ENOX1: variants seen among roughly 807,000 people sequenced by gnomAD.
ENOX1 encodes candidate growth-related and time keeping constitutive hydroquinone (NADH) oxidase.
A neutral mutation model predicts 82.5 loss-of-function variants in ENOX1; 42 were observed. The observed-to-expected ratio is 0.51, with a 90% CI of 0.40 to 0.66. ENOX1 has a LOEUF of 0.66. ENOX1 is among the 30% of genes least tolerant of loss of function. The pLI is 0.00. For missense variants in ENOX1, 608 were observed against 811.6 expected (o/e 0.75, Z 3.05); for synonymous variants, 271 against 282.2 (o/e 0.96, Z 0.40).
At chr13:43,457,383 A>G (rs2057282889) in intron 3 of ENOX1, among the ~76,000 whole-genome samples, 1 of 152,182 alleles carries the variant, frequency 6.6e-6, no homozygotes, top group Admixed American at 6.5e-5. Context: ...CATAAATGTT[A>G]TCTTTATCCA....
intron 3 of ENOX1, among the ~76,000 whole-genome samples, chr13:43,443,620 C>G (rs1261133575): frequency 6.6e-6 from 1 of 152,086 alleles, no homozygotes; most frequent in Non-Finnish European, 1.5e-5. Context: ...ACGTATATAA[C>G]TGATTATAAT....
chr13:43,461,109 C>T (rs1314567443), intron 3 of ENOX1, among the ~76,000 whole-genome samples: 1 of 152,192 alleles, frequency 6.6e-6, no homozygotes, highest in African/African-American at 2.4e-5. Flanking sequence ...CCTGATTTAA[C>T]TGATTTGAAG....
At chr13:43,535,953 A>C (rs1360165907) in intron 2 of ENOX1, among the ~76,000 whole-genome samples, 1 of 152,218 alleles carries the variant, frequency 6.6e-6, no homozygotes, top group Non-Finnish European at 1.5e-5. Context: ...CTGTAGCATA[A>C]ATAAATAGGG....
chr13:43,345,127 G>C (rs2049301411), intron 8 of ENOX1, among the ~76,000 whole-genome samples: 1 of 152,108 alleles, frequency 6.6e-6, no homozygotes, highest in South Asian at 2.1e-4. Flanking sequence ...TCATTTCTTT[G>C]TTCCTTTATC....
chr13:43,673,246 A>G (rs572217494), intron 1 of ENOX1, among the ~76,000 whole-genome samples: 31 of 152,170 alleles, frequency 2.0e-4, no homozygotes, highest in Middle Eastern at 6.8e-3. Context: ...CAAATGATCA[A>G]ATCATGCTTA....
intron 3 of ENOX1, chr13:43,459,633 C>T (rs1406466856): frequency 6.6e-6 from 1 of 152,072 alleles, no homozygotes; most frequent in East Asian, 1.9e-4. Flanking sequence ...ATCTAGGAGC[C>T]ATATGTTAGT....
intron 12 of ENOX1, among the ~76,000 whole-genome samples, chr13:43,283,300 T>C (rs2045507171): frequency 6.6e-6 from 1 of 152,148 alleles, no homozygotes; most frequent in Non-Finnish European, 1.5e-5. Context: ...GTTCTCTTTT[T>C]TTCTTGATAC....
At chr13:43,311,222 A>G (rs2047182350) in intron 11 of ENOX1, among the ~76,000 whole-genome samples, 2 of 152,030 alleles carry the variant, frequency 1.3e-5, no homozygotes. Flanking sequence ...AGAGAGGCAC[A>G]GGAGTGCTAG....
intron 12 of ENOX1, among the ~76,000 whole-genome samples, chr13:43,271,704 T>C (rs1172052596): frequency 6.6e-6 from 1 of 151,942 alleles, no homozygotes; most frequent in African/African-American, 2.4e-5. Context: ...TGTGTGCATA[T>C]ACACCCCTTT....
At chr13:43,293,149 A>G (rs148724159) in intron 12 of ENOX1, among the ~76,000 whole-genome samples, 2 of 152,090 alleles carry the variant, frequency 1.3e-5, no homozygotes, top group Non-Finnish European at 2.9e-5. Flanking sequence ...CATTCTCACC[A>G]CAGCCAGCAA....
At chr13:43,299,870 C>T (rs542855967) in intron 11 of ENOX1, among the ~76,000 whole-genome samples, 24 of 152,260 alleles carry the variant, frequency 1.6e-4, no homozygotes, top group Non-Finnish European at 3.1e-4. Context: ...TTCCAGCCCC[C>T]GCTCCCCGTG....
chr13:43,693,059 T>C (rs181321162), intron 1 of ENOX1, among the ~76,000 whole-genome samples: 2 of 152,248 alleles, frequency 1.3e-5, no homozygotes, highest in East Asian at 1.9e-4. Context: ...TTGAAAACAA[T>C]TTATAACACA....
chr13:43,658,595 T>C (rs1000098026), intron 2 of ENOX1, among the ~76,000 whole-genome samples: 1 of 152,188 alleles, frequency 6.6e-6, no homozygotes, highest in Non-Finnish European at 1.5e-5. Flanking sequence ...CATGATGCTA[T>C]CCCCAAAGCC....
chr13:43,416,696 G>A lies in ENOX1; in HGVS notation c.-74-3708C>T, dbSNP rs186654883. On this transcript the variant is annotated intron_variant, in intron 3 of 16. Coordinates refer to ENST00000690772, the MANE Select transcript of ENOX1 (RefSeq NM_001347969.2). ...CTCCTCACTTCCCAGATGGGGTGGC[G>A]GCCAGGCAGAGGCGCTCCTCACTTC... Among the ~76,000 whole-genome samples, 9 of 148,106 alleles carry A rather than the reference G, an allele frequency of 6.1e-5. 1 individual carries two copies. Among genetic ancestry groups the A allele is most frequent in the Admixed American group, 2.0e-4 (3 of 14,934 alleles).
intron 3 of ENOX1, among the ~76,000 whole-genome samples, chr13:43,465,470 T>C (rs1036327815): frequency 6.6e-6 from 1 of 152,134 alleles, no homozygotes; most frequent in Non-Finnish European, 1.5e-5. Context: ...GGGCATACCA[T>C]GTGCTCCAAG....
At chr13:43,398,564 T>C (rs542478956) in intron 5 of ENOX1, among the ~76,000 whole-genome samples, 1 of 152,220 alleles carries the variant, frequency 6.6e-6, no homozygotes, top group African/African-American at 2.4e-5. Flanking sequence ...ATTTTGAAGG[T>C]CCACTTATCA....
At chr13:43,334,700 G>A (rs759976596) in intron 9 of ENOX1, among the ~76,000 whole-genome samples, 1 of 152,124 alleles carries the variant, frequency 6.6e-6, no homozygotes, top group Non-Finnish European at 1.5e-5. Context: ...ATGAGCCACA[G>A]TGCAGAAGAA....
In ENOX1 at chr13:43,446,690, C is replaced by G. The variant is rs1407769; in HGVS notation, c.-74-33702G>C. Among the ~76,000 whole-genome samples the G allele has an allele frequency of 1.0e-3, 157 of 152,344 alleles. 1 individual carries two copies. The East Asian group carries it at 0.024, about 23-fold the overall frequency. On this transcript the variant is annotated intron_variant, in intron 3 of 16. Coordinates refer to ENST00000690772, the MANE Select transcript of ENOX1 (RefSeq NM_001347969.2). ...CATCTAACTTCTGCCCAACCTTCAG[C>G]CTTGGCTTGCCAGTTTAATCTGTCT... is the stretch of plus-strand genomic sequence containing the variant.
intron 1 of ENOX1, among the ~76,000 whole-genome samples, chr13:43,748,997 T>C (rs1027446069): frequency 5.3e-5 from 8 of 152,168 alleles, no homozygotes; most frequent in Admixed American, 4.6e-4. Context: ...ATCTGTAAAA[T>C]AGGGAAAATA....
Sources: gnomAD v4.1 joint callset for allele counts (sites outside exome capture counted in the v4.1 genomes callset) on GRCh38, gnomAD v4.1.1 for gene constraint, MANE v1.5 for transcripts, NCBI Gene and HGNC (gene_info 2026-07-23, HGNC 2026-07-21) for gene names.